ADAMTS7: variants seen among roughly 807,000 people sequenced by gnomAD.
The protein encoded by ADAMTS7 is A disintegrin and metalloproteinase with thrombospondin motifs 7.
Under a neutral mutation model 172.6 loss-of-function variants are expected in ADAMTS7, and 89 were observed. The observed-to-expected ratio is 0.52, with a 90% CI of 0.43 to 0.61. The LOEUF is 0.61. ADAMTS7 is among the 20% of genes least tolerant of loss of function. ADAMTS7 has a pLI of 0.00. For synonymous variants in ADAMTS7, 885 were observed against 978.4 expected, an observed-to-expected ratio of 0.90 and a Z score of 1.78; for missense variants, 1,973 against 2,355.6, an observed-to-expected ratio of 0.84 and a Z score of 3.36.
intron 5 of ADAMTS7, 69 bp downstream of exon 5, chr15:78,791,071 G>A (rs2055573840): frequency 6.6e-7 from 1 of 1,526,640 alleles, no homozygotes; most frequent in African/African-American, 1.4e-5. Flanking sequence ...AGCAGCACAG[G>A]TCATGCGGCA....
rs1228164019 is a variant in ADAMTS7, at chr15:78,764,108, C to T, written c.4420-9G>A. The T allele has an allele frequency of 1.4e-5, 22 of 1,520,932 alleles. No individual in the cohort carries two copies. The highest frequency in any genetic ancestry group is 1.9e-5 in the Non-Finnish European group (22 of 1,130,420). The allele number at this position is 1,520,932 out of a possible 1,614,324, so 94.2% of individuals were successfully genotyped here. A position where few individuals can be genotyped will look rare whatever the true frequency, so the allele number is the denominator to read the frequency against. The stretch of plus-strand genomic sequence containing the variant: ...CCGCAGCTGCGGGAGCACTGGGGAC[C>T]GAGAGACGTGTATGGACACATCCCC... On this transcript the variant is annotated splice_polypyrimidine_tract_variant and intron_variant, in intron 20 of 23. Transcript: ENST00000388820.
Position 78,796,574 on chromosome 15 carries a change from G to C in ADAMTS7, c.819+16C>G. 3.7e-6 allele frequency: 6 copies of C among 1,603,906 alleles called. No individual in the cohort carries two copies. Among genetic ancestry groups the C allele is most frequent in the Non-Finnish European group, 5.1e-6 (6 of 1,173,116 alleles). On this transcript the variant is annotated intron_variant, in intron 4 of 23. Coordinates refer to ENST00000388820, the MANE Select transcript of ADAMTS7 (RefSeq NM_014272.5). ...ACACCATCCCCGCCACCCGCTCCTG[G>C]CCCACACAGACTCACCATGTTCATG...
chr15:78,771,851 T>C lies in ADAMTS7; in HGVS notation c.2132-22A>G. On this transcript the variant is annotated intron_variant, in intron 14 of 23. Coordinates refer to ENST00000388820, the MANE Select transcript of ADAMTS7 (RefSeq NM_014272.5). This position sits in a 1 kb window ranked among gnomAD's most constrained non-coding sequence, Gnocchi z 4.9. Reference sequence around the variant, plus strand: ...TACCCTGTCAGCCAAGGGTTGTGCATAGGTTGTGCCCAGGGTGAGAGGGTT... The same window carrying C: ...TACCCTGTCAGCCAAGGGTTGTGCACAGGTTGTGCCCAGGGTGAGAGGGTT... 1.2e-6 allele frequency: 2 copies of C among 1,603,680 alleles called. No individual in the cohort carries two copies. The highest frequency in any genetic ancestry group is 8.5e-7 in the Non-Finnish European group (1 of 1,177,752).
In ADAMTS7 at chr15:78,800,471, G is replaced by A; in HGVS notation, c.177C>T (p.Ser59=). The change falls in exon 2 of 24, where the codon TCC becomes TCT. Residue 59 remains serine, a synonymous_variant. Coordinates refer to ENST00000388820, the MANE Select transcript of ADAMTS7 (RefSeq NM_014272.5). ...VRVDAGGSFL[S]YELWPRALRK... is the part of the protein sequence containing the mutation. ...GCAGTGCGCGGGGCCACAGCTCGTA[G>A]GACAGGAAGGAGCCCCCCGCGTCGA... 1.2e-6 allele frequency: 2 copies of A among 1,610,722 alleles called. No homozygotes were observed. Among genetic ancestry groups the A allele is most frequent in the Non-Finnish European group, 1.7e-6 (2 of 1,179,014 alleles).
chr15:78,804,465 A>G (rs1015983528), intron 1 of ADAMTS7, among the ~76,000 whole-genome samples: 2 of 152,158 alleles, frequency 1.3e-5, no homozygotes, highest in African/African-American at 4.8e-5. Context: ...GTTCACGACA[A>G]TAGACTCTTC....
intron 1 of ADAMTS7, among the ~76,000 whole-genome samples, chr15:78,806,488 G>A (rs1235787116): frequency 6.6e-6 from 1 of 152,162 alleles, no homozygotes; most frequent in Non-Finnish European, 1.5e-5. Context: ...TATAGAGCAT[G>A]GGCTTTGAAA....
intron 1 of ADAMTS7, among the ~76,000 whole-genome samples, chr15:78,806,622 G>C (rs2055801452): frequency 1.3e-5 from 2 of 152,048 alleles, no homozygotes; most frequent in Admixed American, 1.3e-4. Context: ...GTAAGGAAGG[G>C]AGCCCAGGTC....
chr15:78,810,851 C>A (rs1447399705), intron 1 of ADAMTS7: 5 of 324,272 alleles, frequency 1.5e-5, no homozygotes, highest in Non-Finnish European at 2.8e-5. Flanking sequence ...AAACCGGAGC[C>A]CGAAGAGCGG....
intron 1 of ADAMTS7, chr15:78,810,782 A>T (rs1483456398): frequency 1.4e-5 from 3 of 216,186 alleles, no homozygotes; most frequent in African/African-American, 2.3e-5. Flanking sequence ...CGCTCCGTCC[A>T]GCCCACTCGG....
At chr15:78,793,086 A>G (rs772857422) in intron 4 of ADAMTS7, among the ~76,000 whole-genome samples, 1 of 152,194 alleles carries the variant, frequency 6.6e-6, no homozygotes, top group Non-Finnish European at 1.5e-5. Flanking sequence ...TAACACGTAC[A>G]GTCCCTGTGC....
intron 1 of ADAMTS7, among the ~76,000 whole-genome samples, chr15:78,804,911 A>G (rs2055769425): frequency 6.6e-6 from 1 of 152,206 alleles, no homozygotes; most frequent in Non-Finnish European, 1.5e-5. Context: ...CTAGGAAGCT[A>G]TGTTTTTACC....
At chr15:78,788,560 T>C (rs2055537891) in intron 7 of ADAMTS7, among the ~76,000 whole-genome samples, 186 bp from the exon 8 acceptor site, 1 of 152,170 alleles carries the variant, frequency 6.6e-6, no homozygotes, top group Non-Finnish European at 1.5e-5. Context: ...GAATGTAAAA[T>C]GAGGGTATGA....
rs1390869993 is a variant in ADAMTS7 at position 78,767,395 on chromosome 15, A to T, written c.2843T>A (p.Val948Glu). The T allele has an allele frequency of 6.2e-7, 1 of 1,611,656 alleles. No homozygotes were observed. The highest frequency in any genetic ancestry group is 8.5e-7 in the Non-Finnish European group (1 of 1,179,800). The change falls in exon 18 of 24, where the codon GTG becomes GAG. Residue 948 changes from valine to glutamate, a missense_variant. Val to Glu is a moderately radical substitution (Grantham distance 121). Transcript: ENST00000388820. ...CACACTCACCTGAGACCAGTTCCCCACAGCCCAGGTGGCCGGACAGGGTAC... is the reference window on the plus strand; with the variant it reads ...CACACTCACCTGAGACCAGTTCCCCTCAGCCCAGGTGGCCGGACAGGGTAC... ...RHVPCPATWAVGNWSQCSVTC... is the reference protein window; with the variant it reads ...RHVPCPATWAEGNWSQCSVTC...
chr15:78,771,221 G>A lies in ADAMTS7; in HGVS notation c.2459C>T (p.Pro820Leu), dbSNP rs3825830. ...REAGGHDEVPPPVFSWHYGPW... is the reference protein window; with the variant it reads ...REAGGHDEVPLPVFSWHYGPW... ...CCCATAATGCCAGGAGAACACGGGCGGCGGGACCTCGTCGTGGCCACCTGC... is the reference window on the plus strand; with the variant it reads ...CCCATAATGCCAGGAGAACACGGGCAGCGGGACCTCGTCGTGGCCACCTGC... Residue 820 changes from proline (P) to leucine (L), a missense_variant, in exon 16 of 24, where the codon CCG (proline) becomes CTG (leucine). Coordinates refer to ENST00000388820, the MANE Select transcript of ADAMTS7 (RefSeq NM_014272.5). This position sits in a 1 kb window ranked among gnomAD's most constrained non-coding sequence, Gnocchi z 4.9. 17 of 1,611,896 alleles carry A rather than the reference G, an allele frequency of 1.1e-5. 1 individual carries two copies. Among genetic ancestry groups the A allele is most frequent in the South Asian group, 2.2e-5 (2 of 90,874 alleles).
chr15:78,790,932 C>T (rs1438127800), intron 5 of ADAMTS7, 138 bp from the exon 6 acceptor site: 1 of 1,378,374 alleles, frequency 7.3e-7, no homozygotes, highest in Non-Finnish European at 1.0e-6. Flanking sequence ...GAGCTTCCAG[C>T]CTGACCATCC....
chr15:78,767,323 G>A (rs2141476494), intron 18 of ADAMTS7, 56 bp downstream of exon 18: 20 of 1,589,998 alleles, frequency 1.3e-5, no homozygotes, highest in Non-Finnish European at 1.7e-5. Context: ...CTGCCTCCCT[G>A]TAGCTGAAGA....
chr15:78,792,955 T>C (rs1031490962), intron 4 of ADAMTS7, among the ~76,000 whole-genome samples: 1 of 152,074 alleles, frequency 6.6e-6, no homozygotes, highest in Non-Finnish European at 1.5e-5. Context: ...ACGGGGAGAA[T>C]GCTGATAAAT....
At chr15:78,785,934 T>A (rs1002810835) in intron 8 of ADAMTS7, among the ~76,000 whole-genome samples, 12 of 148,704 alleles carry the variant, frequency 8.1e-5, no homozygotes, top group African/African-American at 2.7e-4. Context: ...TTCTATTATT[T>A]TTTTTTTTTG....
chr15:78,761,714 G>C (rs777526323), intron 23 of ADAMTS7, among the ~76,000 whole-genome samples: 6 of 152,170 alleles, frequency 3.9e-5, no homozygotes, highest in Non-Finnish European at 5.9e-5. Flanking sequence ...GCTGCAGGAA[G>C]GAAGTGTATG....
Sources: allele counts gnomAD v4.1 joint callset (sites outside exome capture counted in the v4.1 genomes callset), GRCh38; gene constraint gnomAD v4.1.1; non-coding constraint Gnocchi (gnomAD v3.1); transcripts MANE v1.5; gene names NCBI Gene and HGNC (gene_info 2026-07-23, HGNC 2026-07-21).